SIMC1: variants seen among roughly 807,000 people sequenced by gnomAD.
SIMC1 encodes SUMO interacting motifs containing 1, also known as SUMO-interacting motif-containing protein 1.
A neutral mutation model predicts 82.3 loss-of-function variants in SIMC1; 55 were observed. The ratio of observed to expected loss-of-function variants is 0.67; its 90% confidence interval spans 0.54 to 0.84. The LOEUF (loss-of-function observed/expected upper bound fraction) is 0.84, where lower values mean the gene tolerates loss of function less well. Among genes scored for constraint, SIMC1 ranks in the 40% least tolerant of loss-of-function variants. SIMC1 has a pLI of 0.00. For synonymous variants in SIMC1, 353 were observed against 426.3 expected (o/e 0.83, Z 2.12); for missense variants, 915 against 1,107.2 (o/e 0.83, Z 2.46).
At chr5:176,306,020 C>CG (rs1193134468) in intron 4 of SIMC1, among the ~76,000 whole-genome samples, 2 of 59,058 alleles carry the variant, frequency 3.4e-5, no homozygotes, top group Non-Finnish European at 7.5e-5. Context: ...CCGCCCCGTC[C>CG]GGGAGGGAGG....
intron 2 of SIMC1, among the ~76,000 whole-genome samples, chr5:176,292,247 T>C (rs1395797822): frequency 6.6e-6 from 1 of 152,148 alleles, no homozygotes; most frequent in Non-Finnish European, 1.5e-5. Flanking sequence ...TTGGTCATCA[T>C]TGATTTATGA....
chr5:176,312,603 G>A (rs1201800289), intron 4 of SIMC1, among the ~76,000 whole-genome samples: 1 of 149,192 alleles, frequency 6.7e-6, no homozygotes, highest in Non-Finnish European at 1.5e-5. Flanking sequence ...ATTTGCATCA[G>A]TTATCAAGGA....
chr5:176,274,173 CCTGA>C (rs1250673556), intron 1 of SIMC1, among the ~76,000 whole-genome samples: 2 of 144,494 alleles, frequency 1.4e-5, no homozygotes, highest in Non-Finnish European at 1.5e-5. Context: ...CCTGTTGTTT[CCTGA>C]CTTTTTAATG....
chr5:176,340,009 A>G (rs977657935), intron 9 of SIMC1, among the ~76,000 whole-genome samples: 4 of 152,164 alleles, frequency 2.6e-5, no homozygotes, highest in Non-Finnish European at 2.9e-5. Context: ...GTCTAGCTCC[A>G]CTAGTTGTCT....
At chr5:176,315,542 A>G (rs1278944310) in intron 5 of SIMC1, among the ~76,000 whole-genome samples, 1 of 152,134 alleles carries the variant, frequency 6.6e-6, no homozygotes, top group African/African-American at 2.4e-5. Flanking sequence ...GCTTTTTTGG[A>G]AATGGCTCTT....
At chr5:176,250,553 C>T (rs531756438) in intron 1 of SIMC1, among the ~76,000 whole-genome samples, 1 of 152,314 alleles carries the variant, frequency 6.6e-6, no homozygotes, top group Non-Finnish European at 1.5e-5. Flanking sequence ...CTAATATTGA[C>T]AGTGGGGTGT....
chr5:176,268,015 G>T (rs997500655), intron 1 of SIMC1, among the ~76,000 whole-genome samples: 2 of 151,706 alleles, frequency 1.3e-5, no homozygotes, highest in Non-Finnish European at 2.9e-5. Context: ...CTCCCAAAGT[G>T]CTAGGACTAC....
At chr5:176,307,830 T>C (rs1764493735) in intron 4 of SIMC1, among the ~76,000 whole-genome samples, 1 of 152,254 alleles carries the variant, frequency 6.6e-6, no homozygotes, top group Admixed American at 6.5e-5. Context: ...GGAAAATGGT[T>C]TGACAGTTTC....
chr5:176,271,714 T>C (rs1762433342), intron 1 of SIMC1, among the ~76,000 whole-genome samples: 1 of 151,556 alleles, frequency 6.6e-6, no homozygotes, highest in Non-Finnish European at 1.5e-5. Flanking sequence ...TCAAAATGAC[T>C]GAGGGAGTAC....
intron 6 of SIMC1, among the ~76,000 whole-genome samples, chr5:176,323,482 T>C (rs342015): frequency 0.58 from 88,941 of 152,092 alleles, 26,121 homozygotes; most frequent in Middle Eastern, 0.63. Flanking sequence ...TGAGATATTT[T>C]ATATAGCACT....
At chr5:176,249,193 G>C (rs1026162769) in intron 1 of SIMC1, among the ~76,000 whole-genome samples, 37 of 152,114 alleles carry the variant, frequency 2.4e-4, no homozygotes, top group Non-Finnish European at 4.9e-4. Context: ...GCTCCTCTTT[G>C]TGCCTCTAGT....
chr5:176,333,748 AT>A (rs958763252), intron 7 of SIMC1, among the ~76,000 whole-genome samples: 124 of 146,378 alleles, frequency 8.5e-4, no homozygotes, highest in South Asian at 1.5e-3. Flanking sequence ...GATTTTTAAT[AT>A]TTTTTTTTTT....
At position 176,313,760 on chromosome 5, in the gene SIMC1, C is replaced by G; in HGVS notation, c.1804C>G (p.Gln602Glu). 6.2e-7 allele frequency: 1 copy of G among 1,613,980 alleles called. No homozygotes were observed. The highest frequency in any genetic ancestry group is 8.5e-7 in the Non-Finnish European group (1 of 1,179,866). Residue 602 changes from glutamine to glutamate, a missense_variant, in exon 5 of 10, where the codon CAG (glutamine) becomes GAG (glutamate). Physicochemically the swap from Gln to Glu is conservative, Grantham distance 29 (BLOSUM62 2). Transcript: ENST00000429602. ...VVQTLEDDFQQTLRRQRQHLQ... is the reference protein window; with the variant it reads ...VVQTLEDDFQETLRRQRQHLQ... ...TCAGACCCTAGAAGATGACTTTCAG[C>G]AGACCCTGAGGAGGCAACGGCAGCA...
intron 1 of SIMC1, among the ~76,000 whole-genome samples, chr5:176,261,302 C>T (rs1301010886): frequency 1.5e-4 from 23 of 152,130 alleles, no homozygotes; most frequent in East Asian, 5.8e-4. Context: ...CCACCGCGCC[C>T]GGCTGCTTTT....
chr5:176,279,018 A>T (rs1359407051), intron 1 of SIMC1, among the ~76,000 whole-genome samples: 1 of 152,216 alleles, frequency 6.6e-6, no homozygotes, highest in East Asian at 1.9e-4. Flanking sequence ...TAGTTTCAGA[A>T]GGAGTGGTAC....
chr5:176,279,282 G>C (rs974850350), intron 1 of SIMC1, among the ~76,000 whole-genome samples: 3 of 152,152 alleles, frequency 2.0e-5, no homozygotes, highest in Admixed American at 6.5e-5. Context: ...TGTATTCTCT[G>C]TAGTATTCTT....
intron 7 of SIMC1, among the ~76,000 whole-genome samples, chr5:176,334,032 T>G (rs1277867968): frequency 3.9e-5 from 6 of 152,162 alleles, no homozygotes; most frequent in Non-Finnish European, 5.9e-5. Flanking sequence ...TCACTCATTA[T>G]GTACATCTTA....
intron 7 of SIMC1, among the ~76,000 whole-genome samples, chr5:176,333,841 A>C (rs981597682): frequency 2.7e-5 from 4 of 149,908 alleles, no homozygotes; most frequent in African/African-American, 9.8e-5. Flanking sequence ...GTTTTTTTCT[A>C]TTGCTGTTTA....
At chr5:176,251,315 G>T (rs1216580219) in intron 1 of SIMC1, among the ~76,000 whole-genome samples, 1 of 152,190 alleles carries the variant, frequency 6.6e-6, no homozygotes, top group Non-Finnish European at 1.5e-5. Context: ...AGCCAAGGTC[G>T]TGCCACTGCA....
Sources: allele counts gnomAD v4.1 joint callset (sites outside exome capture counted in the v4.1 genomes callset), GRCh38; gene constraint gnomAD v4.1.1; transcripts MANE v1.5; gene names NCBI Gene and HGNC (gene_info 2026-07-23, HGNC 2026-07-21).